Variants in DMD observed in about 807,000 individuals in gnomAD.
DMD encodes the protein dystrophin.
A neutral mutation model predicts 330.1 loss-of-function variants in DMD; 63 were observed. That is an observed-to-expected ratio of 0.19 (90% CI 0.16 to 0.24). The LOEUF is 0.24. Ranked by LOEUF, DMD falls within the 10% of genes least tolerant of loss-of-function variation. The pLI is 1.00. For synonymous variants in DMD, 1,223 were observed against 959.8 expected (o/e 1.27, Z -5.07); for missense variants, 3,344 against 2,684.1 (o/e 1.25, Z -5.43).
At chrX:31,360,735 G>A (rs2058896585) in intron 60 of DMD, among the ~76,000 whole-genome samples, 2 of 112,005 alleles carry the variant, frequency 1.8e-5, no homozygotes, top group South Asian at 7.5e-4. Flanking sequence ...GTAAATCATG[G>A]ACGGTTGAAC....
intron 63 of DMD, among the ~76,000 whole-genome samples, chrX:31,253,171 A>C (rs1347382112): frequency 3.6e-5 from 4 of 111,826 alleles, no homozygotes; most frequent in African/African-American, 1.3e-4. Flanking sequence ...CCAACATGAC[A>C]TATAAGAAAA....
intron 1 of DMD, among the ~76,000 whole-genome samples, chrX:33,266,301 C>A (rs999554607): frequency 1.8e-5 from 2 of 111,584 alleles, no homozygotes; most frequent in East Asian, 5.6e-4. Flanking sequence ...TGATTTTTGA[C>A]CCAGGAAGTA....
chrX:32,778,273 G>A (rs987207870), intron 7 of DMD, among the ~76,000 whole-genome samples: 5 of 105,498 alleles, frequency 4.7e-5, no homozygotes, highest in South Asian at 4.2e-4. Context: ...ATGGACTTTC[G>A]TCTAGGGTGA....
At chrX:33,275,576 G>A (rs112320728) in intron 1 of DMD, among the ~76,000 whole-genome samples, 1,244 of 111,880 alleles carry the variant, frequency 0.011, 20 homozygotes, top group African/African-American at 0.038. Context: ...CCTGAGGTAC[G>A]TGTAATTAAT....
At chrX:32,887,274 G>A (rs1459579769) in intron 2 of DMD, among the ~76,000 whole-genome samples, 2 of 109,402 alleles carry the variant, frequency 1.8e-5, no homozygotes, top group East Asian at 5.9e-4. Context: ...GTGAACCCGG[G>A]AGGCGGAGCT....
chrX:33,302,467 T>G (rs2053679918), intron 1 of DMD, among the ~76,000 whole-genome samples: 1 of 112,400 alleles, frequency 8.9e-6, no homozygotes, highest in Non-Finnish European at 1.9e-5. Flanking sequence ...TAAAAACTAC[T>G]GATTTAGTTA....
At chrX:31,955,142 T>G (rs1389635143) in intron 45 of DMD, among the ~76,000 whole-genome samples, 1 of 111,248 alleles carries the variant, frequency 9.0e-6, no homozygotes, top group Non-Finnish European at 1.9e-5. Flanking sequence ...TGCCACTGCA[T>G]TCCAGCCTGA....
chrX:32,203,098 G>C (rs2097048288), intron 44 of DMD, among the ~76,000 whole-genome samples: 1 of 111,849 alleles, frequency 8.9e-6, no homozygotes, highest in Non-Finnish European at 1.9e-5. Context: ...TGGAGGCCTG[G>C]GATCCCAAAG....
At chrX:33,000,649 G>A (rs188285376) in intron 2 of DMD, among the ~76,000 whole-genome samples, 113 of 112,150 alleles carry the variant, frequency 1.0e-3, no homozygotes, top group Middle Eastern at 9.2e-3. Context: ...AGATTTGCTG[G>A]AAGTGTAAAA....
At chrX:32,062,849 TAAAAC>T (rs1231675743) in intron 44 of DMD, among the ~76,000 whole-genome samples, 1 of 109,718 alleles carries the variant, frequency 9.1e-6, no homozygotes, top group Non-Finnish European at 1.9e-5. Context: ...TCCAAACAAG[TAAAAC>T]AGAAACTGAA....
chrX:32,407,896 TCTCA>T (rs1341850845), intron 30 of DMD, among the ~76,000 whole-genome samples: 20 of 98,697 alleles, frequency 2.0e-4, no homozygotes, highest in African/African-American at 6.8e-4. Flanking sequence ...CACCGCATGT[TCTCA>T]CTCATAGGTG....
intron 47 of DMD, among the ~76,000 whole-genome samples, chrX:31,916,512 C>T (rs1563681): frequency 0.23 from 25,544 of 110,995 alleles, 2,358 homozygotes; most frequent in African/African-American, 0.33. Flanking sequence ...TCTGAAGAGA[C>T]ATTCATGGCA....
At chrX:32,327,710 T>C (rs74379973) in intron 41 of DMD, among the ~76,000 whole-genome samples, 1 of 111,474 alleles carries the variant, frequency 9.0e-6, no homozygotes, top group African/African-American at 3.3e-5. Context: ...CATTGTATTA[T>C]CCTATGGCAA....
chrX:32,204,580 C>A (rs370769966), intron 44 of DMD, among the ~76,000 whole-genome samples: 8 of 111,721 alleles, frequency 7.2e-5, no homozygotes, highest in African/African-American at 2.6e-4. Context: ...CAGAAATCAC[C>A]CAACACACAC....
At chrX:31,601,458 T>C (rs968220435) in intron 55 of DMD, among the ~76,000 whole-genome samples, 2 of 111,920 alleles carry the variant, frequency 1.8e-5, no homozygotes, top group Non-Finnish European at 3.8e-5. Flanking sequence ...CTTGTACATG[T>C]TCCTAGTTCG....
chrX:32,305,814 T>G (rs2148565133), intron 42 of DMD, among the ~76,000 whole-genome samples: 1 of 111,239 alleles, frequency 9.0e-6, no homozygotes, highest in South Asian at 3.7e-4. Flanking sequence ...CACTGGCTTG[T>G]TTTGCTTCAG....
rs775758906 is a variant in DMD at position 31,454,433 on chromosome X, C to T, written c.8938-9806G>A. On this transcript the variant is annotated intron_variant, in intron 59 of 78. Coordinates refer to ENST00000357033, the MANE Select transcript of DMD (RefSeq NM_004006.3). ...CTGGGATTACAGGCGTGAGCCACTG[C>T]GCCTGAAGTTTTACATTTAACAAGT... Among the ~76,000 whole-genome samples, 30 of 112,298 alleles carry T rather than the reference C, an allele frequency of 2.7e-4. No individual in the cohort carries two copies. The East Asian group carries it at 3.9e-3, about 15-fold the overall frequency.
intron 44 of DMD, among the ~76,000 whole-genome samples, chrX:32,046,844 T>C (rs764577784): frequency 8.0e-5 from 9 of 111,947 alleles, no homozygotes; most frequent in Admixed American, 4.7e-4. Flanking sequence ...CTGTGGGAAA[T>C]TGACTTGAAC....
At chrX:32,572,735 A>C (rs2052569765) in intron 15 of DMD, among the ~76,000 whole-genome samples, 1 of 110,063 alleles carries the variant, frequency 9.1e-6, no homozygotes, top group Non-Finnish European at 1.9e-5. Context: ...TATTGTTTGG[A>C]TCTCTGTTCT....
Sources: allele counts gnomAD v4.1 joint callset (sites outside exome capture counted in the v4.1 genomes callset), GRCh38; gene constraint gnomAD v4.1.1; transcripts MANE v1.5; gene names NCBI Gene and HGNC (gene_info 2026-07-23, HGNC 2026-07-21).